Variants in P3H3 observed in about 807,000 individuals in gnomAD.
The protein encoded by P3H3 is prolyl 3-hydroxylase 3.
Under a neutral mutation model 78.1 loss-of-function variants are expected in P3H3, and 64 were observed. The ratio of observed to expected loss-of-function variants is 0.82; its 90% CI spans 0.67 to 1.01. The LOEUF is 1.01. P3H3 is among the 50% of genes least tolerant of loss of function. P3H3 has a pLI of 0.00. For missense variants in P3H3, 975 were observed against 982.2 expected, an observed-to-expected ratio of 0.99 and a Z score of 0.10; for synonymous variants, 425 against 416.7, an observed-to-expected ratio of 1.02 and a Z score of -0.24.
chr12:6,839,297 G>T lies in P3H3; in HGVS notation c.2047G>T (p.Glu683Ter). The change falls in exon 15 of 15, where the codon GAG (glutamate) becomes TAG (stop). Residue 683 changes from glutamate (E) to a stop codon, truncating the protein, a stop_gained and splice_region_variant. Transcript: ENST00000290510. LOFTEE classifies it high-confidence loss of function. Reference sequence around the variant, plus strand: ...GCCACACTCTCCTCCCCAACCCCAGGAGTGGATAGAAGCCAAAGAACTGCT... The same window carrying T: ...GCCACACTCTCCTCCCCAACCCCAGTAGTGGATAGAAGCCAAAGAACTGCT... ...HTWAPEHREQEWIEAKELLQE... is the reference protein window; with the variant it reads ...HTWAPEHREQ 1 of 1,553,466 alleles carries T rather than the reference G, an allele frequency of 6.4e-7. No individual in the cohort carries two copies. The highest frequency in any genetic ancestry group is 8.7e-7 in the Non-Finnish European group (1 of 1,148,038).
In P3H3 at chr12:6,829,706, T is replaced by C; in HGVS notation, c.499-153T>C. On this transcript the variant is annotated intron_variant, in intron 1 of 14. Transcript: ENST00000290510. This position sits in a 1 kb window ranked among gnomAD's most constrained non-coding sequence, Gnocchi z 5.1. Reference sequence around the variant, plus strand: ...GTTCTGGCCTCTAGGGGATCTGCAGTTCGGGCGGTGGGCGGTTCTGATTGG... The same window carrying C: ...GTTCTGGCCTCTAGGGGATCTGCAGCTCGGGCGGTGGGCGGTTCTGATTGG... 1.4e-6 allele frequency: 1 copy of C among 738,568 alleles called. No homozygotes were observed. Among genetic ancestry groups the C allele is most frequent in the East Asian group, 2.6e-5 (1 of 38,056 alleles). 45.8% of individuals were successfully genotyped at this position (738,568 alleles called of 1,614,324 possible).
intron 9 of P3H3, 122 bp from the exon 10 acceptor site, chr12:6,836,863 A>G (rs1318496126): frequency 1.7e-5 from 12 of 687,214 alleles, no homozygotes; most frequent in African/African-American, 1.1e-4. Flanking sequence ...ACGAGCCACA[A>G]CAGAACTGTG....
intron 1 of P3H3, 58 bp downstream of exon 1, chr12:6,828,996 C>T: frequency 2.0e-6 from 2 of 1,009,724 alleles, no homozygotes; most frequent in Non-Finnish European, 2.5e-6. Flanking sequence ...CGCTGTCCTA[C>T]TTTGCGTTGC....
At chr12:6,838,922 C>T (rs1276432210) in intron 13 of P3H3, 78 bp from the exon 14 acceptor site, 3 of 1,304,760 alleles carry the variant, frequency 2.3e-6, no homozygotes, top group Non-Finnish European at 3.1e-6. Context: ...CCCCTGTCCC[C>T]ATCCTGCTCT....
At position 6,830,877 on chromosome 12, in the gene P3H3, G is replaced by T. The variant is rs782467656; in HGVS notation, c.985+107G>T. 12 of 1,498,298 alleles carry T rather than the reference G, an allele frequency of 8.0e-6. No individual in the cohort carries two copies. In the Admixed American group the frequency reaches 2.0e-4, roughly 25 times the overall value. The allele number at this position is 1,498,298 out of a possible 1,614,324, so 92.8% of individuals were successfully genotyped here. ...CTGTCTCTGGATTTGTAGTTTCACTGTCAGGGCTGCATGGGAACCATCACT... is the reference window on the plus strand; with the variant it reads ...CTGTCTCTGGATTTGTAGTTTCACTTTCAGGGCTGCATGGGAACCATCACT... On this transcript the variant is annotated intron_variant, in intron 4 of 14. Transcript: ENST00000290510.
rs1943530629 is a variant in P3H3 at position 6,839,031 on chromosome 12, T to G, written c.1937T>G (p.Val646Gly). 2 of 1,610,804 alleles carry G rather than the reference T, an allele frequency of 1.2e-6. No homozygotes were observed. The highest frequency in any genetic ancestry group is 1.7e-6 in the Non-Finnish European group (2 of 1,178,572). ...ARVRPRCGRL[V>G]AFSSGVENPH... is the part of the protein sequence containing the mutation. Reference sequence around the variant, plus strand: ...GTGCGTCCTCGCTGTGGGCGCCTTGTGGCCTTCAGCTCCGGTGTCGAGAAT... The same window carrying G: ...GTGCGTCCTCGCTGTGGGCGCCTTGGGGCCTTCAGCTCCGGTGTCGAGAAT... The change falls in exon 14 of 15, where the codon GTG becomes GGG. Residue 646 changes from valine to glycine, a missense_variant. Physicochemically the swap from Val to Gly is moderately radical, Grantham distance 109. Coordinates refer to ENST00000290510, the MANE Select transcript of P3H3 (RefSeq NM_014262.5).
intron 6 of P3H3, among the ~76,000 whole-genome samples, chr12:6,833,193 AAAC>A (rs1397793353): frequency 1.3e-5 from 2 of 152,086 alleles, no homozygotes; most frequent in Non-Finnish European, 2.9e-5. Context: ...AAAAAACAAA[AAAC>A]AACAACAAAA....
At chr12:6,838,928 GCT>G in intron 13 of P3H3, 70 bp from the exon 14 acceptor site, 1 of 1,393,108 alleles carries the variant, frequency 7.2e-7, no homozygotes, top group South Asian at 1.4e-5. Flanking sequence ...TCCCCATCCT[GCT>G]CTAGGGAGTG....
Position 6,831,389 on chromosome 12 carries a change from CA to C in P3H3, c.1122+40del. On this transcript the variant is annotated intron_variant, in intron 5 of 14. Coordinates refer to ENST00000290510, the MANE Select transcript of P3H3 (RefSeq NM_014262.5). This position sits in a 1 kb window ranked among gnomAD's most constrained non-coding sequence, Gnocchi z 4.6. ...TCCACGCTCACCTGGGAGGTAGCCC[CA>C]AATCAAACAAATAGACCTGAGAAGT... 6.2e-7 allele frequency: 1 copy of C among 1,611,320 alleles called. No homozygotes were observed. The highest frequency in any genetic ancestry group is 1.1e-5 in the South Asian group (1 of 90,990).
chr12:6,831,759 G>A lies in P3H3; in HGVS notation c.1123-66G>A. 2 of 993,298 alleles carry A rather than the reference G, an allele frequency of 2.0e-6. No individual in the cohort carries two copies. Among genetic ancestry groups the A allele is most frequent in the South Asian group, 2.7e-5 (2 of 72,932 alleles). 61.5% of individuals were successfully genotyped at this position (993,298 alleles called of 1,614,324 possible). A position where few individuals can be genotyped will look rare whatever the true frequency, so the allele number is the denominator to read the frequency against. On this transcript the variant is annotated intron_variant, in intron 5 of 14. Transcript: ENST00000290510. The surrounding 1 kb of genome is among the most constrained non-coding windows in gnomAD (Gnocchi z 4.6). ...AAGGAGCATGGAGCACCCAGGCAGT[G>A]CCCTAGAGCCGGCGCTTCCCTGCCT...
chr12:6,832,423 C>T (rs1461784305), intron 6 of P3H3, among the ~76,000 whole-genome samples: 1 of 151,994 alleles, frequency 6.6e-6, no homozygotes, highest in Non-Finnish European at 1.5e-5. Context: ...TGTCCTATGC[C>T]TTGGAGGGTG....
intron 6 of P3H3, 36 bp from the exon 7 acceptor site, chr12:6,833,556 C>G: frequency 6.2e-7 from 1 of 1,604,984 alleles, no homozygotes; most frequent in Non-Finnish European, 8.5e-7. Context: ...AGGGGCTGAC[C>G]TTGGTGGGTG....
In P3H3 at chr12:6,829,776, G is replaced by A; in HGVS notation, c.499-83G>A. 6.1e-6 allele frequency: 9 copies of A among 1,482,448 alleles called. No homozygotes were observed. The allele number at this position is 1,482,448 out of a possible 1,614,324, so 91.8% of individuals were successfully genotyped here. A position where few individuals can be genotyped will look rare whatever the true frequency, so the allele number is the denominator to read the frequency against. ...TGGGGCACCCAGAGTGTGTGTCTGG[G>A]GTAGGGTGGGGAGGCTGGCCAGGGG... On this transcript the variant is annotated intron_variant, in intron 1 of 14. Coordinates refer to ENST00000290510, the MANE Select transcript of P3H3 (RefSeq NM_014262.5). This position sits in a 1 kb window ranked among gnomAD's most constrained non-coding sequence, Gnocchi z 5.1.
At chr12:6,830,911 A>C in intron 4 of P3H3, 141 bp downstream of exon 4, 1 of 1,295,386 alleles carries the variant, frequency 7.7e-7, no homozygotes, top group Non-Finnish European at 1.1e-6. Context: ...CTTCACAAGG[A>C]CTCTAATTTG....
rs1555122214 is a variant in P3H3 at position 6,836,979 on chromosome 12, A to G, written c.1459-6A>G. 7.5e-6 allele frequency: 12 copies of G among 1,608,476 alleles called. No individual in the cohort carries two copies. The highest frequency in any genetic ancestry group is 1.0e-5 in the Non-Finnish European group (12 of 1,177,398). On this transcript the variant is annotated splice_polypyrimidine_tract_variant and splice_region_variant and intron_variant, in intron 9 of 14. Transcript: ENST00000290510. ...GTGACTCCACGGTAAACTCCTTCCT[A>G]TTTAGGATGCAGCTGGGGCTGGAGC... is the stretch of plus-strand genomic sequence containing the variant.
chr12:6,838,910 T>G, intron 13 of P3H3, 90 bp from the exon 14 acceptor site: 1 of 1,151,542 alleles, frequency 8.7e-7, no homozygotes. Context: ...ATCCTCTCTG[T>G]GCCCCTGTCC....
chr12:6,831,414 G>A lies in P3H3; in HGVS notation c.1122+62G>A. ...CAAATCAAACAAATAGACCTGAGAA[G>A]TAACCTGGACCCCCACCCCCCGCTG... On this transcript the variant is annotated intron_variant, in intron 5 of 14. Transcript: ENST00000290510. The surrounding 1 kb of genome is among the most constrained non-coding windows in gnomAD (Gnocchi z 4.6). The A allele has an allele frequency of 6.2e-7, 1 of 1,601,196 alleles. No individual in the cohort carries two copies. The highest frequency in any genetic ancestry group is 1.7e-5 in the Admixed American group (1 of 59,328).
rs782084240 is a variant in P3H3, at chr12:6,830,747, G to A, written c.962G>A (p.Arg321Gln). The change falls in exon 4 of 15, where the codon CGG becomes CAG. Residue 321 changes from arginine to glutamine, a missense_variant. Transcript: ENST00000290510. ...VPDFLPNQLR[R>Q]LHEAHAQVGN... is the part of the protein sequence containing the mutation. The stretch of plus-strand genomic sequence containing the variant: ...GACTTCCTTCCCAACCAGCTGAGGC[G>A]GCTACATGAGGCCCATGCTCAGGGT... The A allele has an allele frequency of 2.5e-5, 40 of 1,613,874 alleles. No homozygotes were observed. The highest frequency in any genetic ancestry group is 2.4e-4 in the South Asian group (22 of 91,088).
chr12:6,829,210 G>A lies in P3H3; in HGVS notation c.498+272G>A. On this transcript the variant is annotated intron_variant, in intron 1 of 14. Coordinates refer to ENST00000290510, the MANE Select transcript of P3H3 (RefSeq NM_014262.5). This position sits in a 1 kb window ranked among gnomAD's most constrained non-coding sequence, Gnocchi z 5.1. ...AGCAGATCGAAGATGGAGGGACAGG[G>A]CCGCCTCTTCCTAGGAATGAAGCGG... 2 of 371,524 alleles carry A rather than the reference G, an allele frequency of 5.4e-6. No individual in the cohort carries two copies. The allele number at this position is 371,524 out of a possible 1,614,324, so 23.0% of individuals were successfully genotyped here. A position where few individuals can be genotyped will look rare whatever the true frequency, so the allele number is the denominator to read the frequency against.
Sources: gnomAD v4.1 joint callset for allele counts (sites outside exome capture counted in the v4.1 genomes callset) on GRCh38, gnomAD v4.1.1 for gene constraint, Gnocchi (gnomAD v3.1) non-coding constraint, MANE v1.5 for transcripts, NCBI Gene and HGNC (gene_info 2026-07-23, HGNC 2026-07-21) for gene names.